NPAS2: variants seen among roughly 807,000 people sequenced by gnomAD.
The protein encoded by NPAS2 is neuronal PAS domain-containing protein 2.
A neutral mutation model predicts 107.5 loss-of-function variants in NPAS2; 23 were observed. That is an observed-to-expected ratio of 0.21 (90% CI 0.15 to 0.30). The LOEUF is 0.30. Among genes scored for constraint, NPAS2 ranks in the 10% least tolerant of loss-of-function variants. NPAS2 has a pLI of 1.00. For missense variants in NPAS2, 756 were observed against 1,043.3 expected (o/e 0.72, Z 3.79); for synonymous variants, 403 against 417.5 (o/e 0.97, Z 0.42).
intron 1 of NPAS2, among the ~76,000 whole-genome samples, chr2:100,882,752 G>A (rs1326035197): frequency 2.0e-5 from 3 of 152,226 alleles, no homozygotes; most frequent in Non-Finnish European, 4.4e-5. Flanking sequence ...AGCGACCTCT[G>A]CCTTGCCTGG....
At chr2:100,944,667 A>C (rs1387007383) in intron 5 of NPAS2, among the ~76,000 whole-genome samples, 1 of 152,246 alleles carries the variant, frequency 6.6e-6, no homozygotes, top group African/African-American at 2.4e-5. Context: ...TGGAAGTAGC[A>C]TAATAGCAAT....
At chr2:100,972,304 G>A (rs907091566) in intron 12 of NPAS2, among the ~76,000 whole-genome samples, 2 of 152,180 alleles carry the variant, frequency 1.3e-5, no homozygotes, top group Admixed American at 6.5e-5. Flanking sequence ...TCTGAAACAA[G>A]TGTTTCTTTT....
intron 1 of NPAS2, among the ~76,000 whole-genome samples, chr2:100,822,009 G>C (rs1676101183): frequency 6.6e-6 from 1 of 152,218 alleles, no homozygotes. Flanking sequence ...CCATCTCACA[G>C]AGAGATGTGG....
chr2:100,905,609 C>T (rs1417875894), intron 2 of NPAS2, among the ~76,000 whole-genome samples: 4 of 152,132 alleles, frequency 2.6e-5, no homozygotes, highest in Non-Finnish European at 5.9e-5. Flanking sequence ...GCCTTGGCAG[C>T]AGGGGACATC....
chr2:100,892,208 TC>T (rs1392098610), intron 1 of NPAS2, among the ~76,000 whole-genome samples: 1 of 152,192 alleles, frequency 6.6e-6, no homozygotes, highest in Non-Finnish European at 1.5e-5. Flanking sequence ...GGCCCTTCCA[TC>T]CAGATATCAT....
chr2:100,982,445 G>A (rs1009648329), intron 16 of NPAS2, 68 bp downstream of exon 16: 13 of 1,567,052 alleles, frequency 8.3e-6, no homozygotes, highest in Admixed American at 3.5e-5. Context: ...CGCCATTTCC[G>A]GGCAGCCAGG....
At position 100,976,671 on chromosome 2, in the gene NPAS2, GC is replaced by G. The variant is rs1278869190; in HGVS notation, c.1393-1038del. ...TGCACACCCTGCTTGAGAAGCTTGG[GC>G]GATGCGTTTTATTTTCAAGTAGAAT... On this transcript the variant is annotated intron_variant, in intron 14 of 20. Transcript: ENST00000335681. This position sits in a 1 kb window ranked among gnomAD's most constrained non-coding sequence, Gnocchi z 4.1. 1 of 152,040 alleles carries G rather than the reference GC, an allele frequency of 6.6e-6. No homozygotes were observed. Among genetic ancestry groups the G allele is most frequent in the African/African-American group, 2.4e-5 (1 of 41,390 alleles). 9.4% of individuals were successfully genotyped at this position (152,040 alleles called of 1,614,324 possible).
intron 2 of NPAS2, among the ~76,000 whole-genome samples, chr2:100,918,530 A>G (rs1330931609): frequency 6.6e-6 from 1 of 152,242 alleles, no homozygotes; most frequent in Non-Finnish European, 1.5e-5. Flanking sequence ...CAGAAAATAC[A>G]AGCAACTGTC....
chr2:100,820,382 C>G lies in NPAS2; in HGVS notation c.-55C>G, dbSNP rs975532398. ...GCGTCTCCCCGGCCCAGTCCGCGCCCGGCCCCGCGGGGCCGCTCCGGCCCG... is the reference window on the plus strand; with the variant it reads ...GCGTCTCCCCGGCCCAGTCCGCGCCGGGCCCCGCGGGGCCGCTCCGGCCCG... On this transcript the variant is annotated 5_prime_UTR_variant, in exon 1 of 21. Coordinates refer to ENST00000335681, the MANE Select transcript of NPAS2 (RefSeq NM_002518.4). The surrounding 1 kb of genome is among the most constrained non-coding windows in gnomAD (Gnocchi z 5.6). 6.7e-6 allele frequency: 1 copy of G among 149,556 alleles called. No homozygotes were observed. Among genetic ancestry groups the G allele is most frequent in the Non-Finnish European group, 1.5e-5 (1 of 67,104 alleles). 9.3% of individuals were successfully genotyped at this position (149,556 alleles called of 1,614,324 possible). A position where few individuals can be genotyped will look rare whatever the true frequency, so the allele number is the denominator to read the frequency against.
chr2:100,965,420 G>A lies in NPAS2; in HGVS notation c.801-240G>A, dbSNP rs1217016978. Among the ~76,000 whole-genome samples, 2 of 152,076 alleles carry A rather than the reference G, an allele frequency of 1.3e-5. No homozygotes were observed. Among genetic ancestry groups the A allele is most frequent in the Non-Finnish European group, 2.9e-5 (2 of 68,004 alleles). On this transcript the variant is annotated intron_variant, in intron 9 of 20. Transcript: ENST00000335681. This position sits in a 1 kb window ranked among gnomAD's most constrained non-coding sequence, Gnocchi z 4.3. ...TTTTTAATTACCCAGTAGTGATAAA[G>A]CTTATTGTTATTTGGGCCAAGTTAT... is the stretch of plus-strand genomic sequence containing the variant.
At chr2:100,882,009 C>T (rs1400850395) in intron 1 of NPAS2, among the ~76,000 whole-genome samples, 1 of 152,236 alleles carries the variant, frequency 6.6e-6, no homozygotes, top group Non-Finnish European at 1.5e-5. Flanking sequence ...CTGGGGAGAC[C>T]CCGTGCCTCA....
chr2:100,873,330 A>G (rs1408249801), intron 1 of NPAS2, among the ~76,000 whole-genome samples: 1 of 138,784 alleles, frequency 7.2e-6, no homozygotes, highest in Non-Finnish European at 1.5e-5. Flanking sequence ...ACACACACAC[A>G]CACACACACA....
Position 100,993,340 on chromosome 2 carries a change from GA to G in NPAS2, c.2112-4del, listed in dbSNP as rs756128628. Reference sequence around the variant, plus strand: ...AGGACCTGTTTTCTCCTTCCCACGTGAAACAGGTACGCCCAGAGCCAGACCG... The same window carrying G: ...AGGACCTGTTTTCTCCTTCCCACGTGAACAGGTACGCCCAGAGCCAGACCG... On this transcript the variant is annotated splice_polypyrimidine_tract_variant and splice_region_variant and intron_variant, in intron 19 of 20. Coordinates refer to ENST00000335681, the MANE Select transcript of NPAS2 (RefSeq NM_002518.4). The G allele has an allele frequency of 1.4e-5, 22 of 1,558,562 alleles. No homozygotes were observed. The South Asian group carries it at 2.5e-4, about 18-fold the overall frequency.
At chr2:100,866,045 G>A (rs1013985830) in intron 1 of NPAS2, among the ~76,000 whole-genome samples, 3 of 152,144 alleles carry the variant, frequency 2.0e-5, no homozygotes, top group African/African-American at 4.8e-5. Flanking sequence ...CAGCAATTCC[G>A]TTTATGAATG....
In NPAS2 at chr2:100,953,066, A is replaced by G. The variant is rs1415101462; in HGVS notation, c.598+3586A>G. On this transcript the variant is annotated intron_variant, in intron 7 of 20. Transcript: ENST00000335681. The stretch of plus-strand genomic sequence containing the variant: ...AAATAGCAAAAATTGTCAGAGACAA[A>G]TGAATTTCTCAGGTTAAACCCTATA... Among the ~76,000 whole-genome samples the G allele has an allele frequency of 6.6e-4, 88 of 134,294 alleles. 4 individuals are homozygous for G. The highest frequency in any genetic ancestry group is 3.5e-3 in the Middle Eastern group (1 of 288). 88.1% of individuals were successfully genotyped at this position (134,294 alleles called of 152,430 possible). A position where few individuals can be genotyped will look rare whatever the true frequency, so the allele number is the denominator to read the frequency against.
intron 3 of NPAS2, among the ~76,000 whole-genome samples, chr2:100,931,214 C>T (rs3768983): frequency 6.6e-6 from 1 of 152,200 alleles, no homozygotes; most frequent in African/African-American, 2.4e-5. Flanking sequence ...CTCTCAGTGT[C>T]GTTGGCTGCC....
chr2:100,984,297 T>G (rs924271359), intron 16 of NPAS2: 1 of 152,198 alleles, frequency 6.6e-6, no homozygotes, highest in Admixed American at 6.5e-5. Flanking sequence ...TTCCAAAATG[T>G]GATATTTGTT....
At chr2:100,964,483 C>T (rs1283614790) in intron 8 of NPAS2, among the ~76,000 whole-genome samples, 1 of 152,176 alleles carries the variant, frequency 6.6e-6, no homozygotes, top group Non-Finnish European at 1.5e-5. Context: ...GGGTGAGAAC[C>T]GAGTGTTGGA....
chr2:100,860,737 G>C (rs1250828367), intron 1 of NPAS2, among the ~76,000 whole-genome samples: 1 of 152,138 alleles, frequency 6.6e-6, no homozygotes, highest in East Asian at 1.9e-4. Context: ...GATTGTCCCA[G>C]ATTTGGCTGG....
Sources: allele counts gnomAD v4.1 joint callset (sites outside exome capture counted in the v4.1 genomes callset), GRCh38; gene constraint gnomAD v4.1.1; non-coding constraint Gnocchi (gnomAD v3.1); transcripts MANE v1.5; gene names NCBI Gene and HGNC (gene_info 2026-07-23, HGNC 2026-07-21).